PRDM16: variants seen among roughly 807,000 people sequenced by gnomAD.
PRDM16 encodes the protein histone-lysine N-methyltransferase PRDM16.
PRDM16 carries 23 observed loss-of-function variants against 110.6 expected under a neutral mutation model. That is an observed-to-expected ratio of 0.21 (90% CI 0.15 to 0.29). The LOEUF (loss-of-function observed/expected upper bound fraction) is 0.29, where lower values mean the gene tolerates loss of function less well. Ranked by LOEUF, PRDM16 falls within the 10% of genes least tolerant of loss-of-function variation. PRDM16 has a pLI of 1.00. For missense variants in PRDM16, 1,615 were observed against 1,794.3 expected (o/e 0.90, Z 1.81); for synonymous variants, 799 against 781.8 (o/e 1.02, Z -0.37).
intron 3 of PRDM16, among the ~76,000 whole-genome samples, chr1:3,314,081 G>T (rs570811105): frequency 6.6e-6 from 1 of 151,406 alleles, no homozygotes; most frequent in Non-Finnish European, 1.5e-5. Flanking sequence ...CGGGGGGGGG[G>T]GCGGGAACAT....
intron 2 of PRDM16, among the ~76,000 whole-genome samples, chr1:3,234,414 C>T (rs1029184324): frequency 3.3e-5 from 5 of 152,216 alleles, no homozygotes; most frequent in East Asian, 1.9e-4. Context: ...CAGGCTGCCC[C>T]GGCCAGGCCA....
intron 1 of PRDM16, among the ~76,000 whole-genome samples, chr1:3,082,562 G>C (rs183135387): frequency 1.3e-5 from 2 of 152,356 alleles, no homozygotes; most frequent in Non-Finnish European, 2.9e-5. Flanking sequence ...TGAGGCTGGG[G>C]GTGCAGCTCC....
intron 2 of PRDM16, among the ~76,000 whole-genome samples, chr1:3,186,913 G>A (rs990983160): frequency 7.9e-5 from 12 of 152,316 alleles, no homozygotes; most frequent in East Asian, 1.9e-4. Context: ...CCCGGCTGCC[G>A]TCTTCCCCGC....
intron 3 of PRDM16, among the ~76,000 whole-genome samples, chr1:3,287,469 C>T (rs1398774113): frequency 1.2e-5 from 1 of 80,562 alleles, no homozygotes. Context: ...CCCTGCCACG[C>T]GGGCATCCAG....
At position 3,332,616 on chromosome 1, in the gene PRDM16, G is replaced by A. The variant is rs755527163; in HGVS notation, c.439-52536G>A. Among the ~76,000 whole-genome samples, 4 of 151,890 alleles carry A rather than the reference G, an allele frequency of 2.6e-5. No homozygotes were observed. In the East Asian group the frequency reaches 5.8e-4, roughly 22 times the overall value. Reference sequence around the variant, plus strand: ...TTTCTAATTTTAACCATTTTAAGGCGTGTCATTCGGTGACATTTAGCACAT... The same window carrying A: ...TTTCTAATTTTAACCATTTTAAGGCATGTCATTCGGTGACATTTAGCACAT... On this transcript the variant is annotated intron_variant, in intron 3 of 16. Coordinates refer to ENST00000270722, the MANE Select transcript of PRDM16 (RefSeq NM_022114.4).
At chr1:3,284,351 G>A (rs1417551972) in intron 3 of PRDM16, among the ~76,000 whole-genome samples, 1 of 152,208 alleles carries the variant, frequency 6.6e-6, no homozygotes, top group Admixed American at 6.5e-5. Flanking sequence ...AAAGTGTTAA[G>A]ATGGCAGTAT....
chr1:3,269,287 A>G (rs1640372341), intron 3 of PRDM16, among the ~76,000 whole-genome samples: 3 of 151,940 alleles, frequency 2.0e-5, no homozygotes, highest in Admixed American at 2.0e-4. Flanking sequence ...GGAGAAGCGC[A>G]GCCCAGAGTA....
intron 1 of PRDM16, among the ~76,000 whole-genome samples, chr1:3,072,382 C>G (rs775457786): frequency 4.9e-4 from 74 of 152,268 alleles, no homozygotes; most frequent in Non-Finnish European, 9.4e-4. Flanking sequence ...GAGGCCTGAT[C>G]CCCACCTAGG....
chr1:3,281,124 A>T (rs1321897826), intron 3 of PRDM16, among the ~76,000 whole-genome samples: 1 of 152,232 alleles, frequency 6.6e-6, no homozygotes, highest in African/African-American at 2.4e-5. Flanking sequence ...ACTGTCAAGA[A>T]GCTTGAGAAA....
intron 1 of PRDM16, among the ~76,000 whole-genome samples, chr1:3,146,325 C>G (rs1569682032): frequency 6.6e-6 from 1 of 152,260 alleles, no homozygotes; most frequent in East Asian, 1.9e-4. Flanking sequence ...AACAACTGGG[C>G]ATGGGGATAA....
chr1:3,196,817 A>T (rs1638490420), intron 2 of PRDM16, among the ~76,000 whole-genome samples: 1 of 152,172 alleles, frequency 6.6e-6, no homozygotes, highest in Admixed American at 6.5e-5. Flanking sequence ...TACCCATGGG[A>T]GCCCAGAGAG....
intron 3 of PRDM16, among the ~76,000 whole-genome samples, chr1:3,263,936 C>T (rs1169608845): frequency 6.6e-6 from 1 of 152,156 alleles, no homozygotes; most frequent in Non-Finnish European, 1.5e-5. Context: ...TGTACGGGCA[C>T]TCGCCCTCTC....
rs1643694263 is a variant in PRDM16, at chr1:3,411,902, A to G, written c.1705A>G (p.Thr569Ala). The change falls in exon 9 of 17, where the codon ACG becomes GCG. Residue 569 changes from threonine to alanine, a missense_variant. Physicochemically the swap from Thr to Ala is moderately conservative, Grantham distance 58. Around this residue, in one of 5 missense-constraint regions of PRDM16, gnomAD observed 772 missense variants for 748.3 expected, o/e 1.03. Coordinates refer to ENST00000270722, the MANE Select transcript of PRDM16 (RefSeq NM_022114.4). Reference protein sequence around the residue: ...VSAVSNSSQGTTAAAGPEEKF... With the variant: ...VSAVSNSSQGATAAAGPEEKF... ...CGCCGTCAGCAACAGCAGCCAGGGCACGACGGCAGCTGCGGGGCCCGAGGA... is the reference window on the plus strand; with the variant it reads ...CGCCGTCAGCAACAGCAGCCAGGGCGCGACGGCAGCTGCGGGGCCCGAGGA... 1 of 1,613,706 alleles carries G rather than the reference A, an allele frequency of 6.2e-7. No individual in the cohort carries two copies. The highest frequency in any genetic ancestry group is 2.2e-5 in the East Asian group (1 of 44,856).
At chr1:3,179,549 C>T (rs1005714971) in intron 1 of PRDM16, among the ~76,000 whole-genome samples, 1 of 152,262 alleles carries the variant, frequency 6.6e-6, no homozygotes, top group African/African-American at 2.4e-5. Flanking sequence ...CACCTGGAAA[C>T]AGGCTGAGAA....
chr1:3,385,039 G>A (rs1373668868), intron 3 of PRDM16, 113 bp from the exon 4 acceptor site: 71 of 1,360,262 alleles, frequency 5.2e-5, no homozygotes, highest in Admixed American at 3.7e-4. Context: ...TCTGGACGCC[G>A]ACTTGCCTTC....
At chr1:3,378,402 G>A (rs932772225) in intron 3 of PRDM16, among the ~76,000 whole-genome samples, 3 of 152,258 alleles carry the variant, frequency 2.0e-5, no homozygotes, top group African/African-American at 7.2e-5. Flanking sequence ...GTGGATTCCA[G>A]AGGACGTGAA....
In PRDM16 at chr1:3,367,501, G is replaced by A. The variant is rs144760734; in HGVS notation, c.439-17651G>A. ...GATGCTACCTTTCAGCTGATCCCAG[G>A]CCTAACGCACCCACAGCCAAATGGC... is the stretch of plus-strand genomic sequence containing the variant. On this transcript the variant is annotated intron_variant, in intron 3 of 16. Transcript: ENST00000270722. Among the ~76,000 whole-genome samples the A allele has an allele frequency of 9.3e-4, 141 of 152,264 alleles. 2 individuals carry two copies. In the East Asian group the frequency reaches 0.017, roughly 18 times the overall value.
In PRDM16 at chr1:3,143,391, C is replaced by A. The variant is rs1643589296; in HGVS notation, c.38-42734C>A. Among the ~76,000 whole-genome samples, 1 of 152,180 alleles carries A rather than the reference C, an allele frequency of 6.6e-6. No individual in the cohort carries two copies. The highest frequency in any genetic ancestry group is 2.1e-4 in the South Asian group (1 of 4,820). On this transcript the variant is annotated intron_variant, in intron 1 of 16. Coordinates refer to ENST00000270722, the MANE Select transcript of PRDM16 (RefSeq NM_022114.4). This position sits in a 1 kb window ranked among gnomAD's most constrained non-coding sequence, Gnocchi z 4.5. ...CGCCCCAGTCCCAGCAGGTGGCCTC[C>A]CCAACTTGAGCTGGGTTCATTTCCT...
At chr1:3,215,626 T>C (rs943415071) in intron 2 of PRDM16, among the ~76,000 whole-genome samples, 2 of 152,138 alleles carry the variant, frequency 1.3e-5, no homozygotes, top group African/African-American at 4.8e-5. Context: ...TCCGGGGACC[T>C]GTCGAGTCAG....
Sources: gnomAD v4.1 joint callset for allele counts (sites outside exome capture counted in the v4.1 genomes callset) on GRCh38, gnomAD v4.1.1 for gene constraint, gnomAD v4.1.1 regional missense constraint, Gnocchi (gnomAD v3.1) non-coding constraint, MANE v1.5 for transcripts, NCBI Gene and HGNC (gene_info 2026-07-23, HGNC 2026-07-21) for gene names.